ADGRE2: variants seen among roughly 807,000 people sequenced by gnomAD.
ADGRE2 encodes the protein adhesion G protein-coupled receptor E2.
ADGRE2 carries 83 observed loss-of-function variants against 100.8 expected under a neutral mutation model. That is an observed-to-expected ratio of 0.82 (90% CI 0.69 to 0.99). The LOEUF is 0.99. ADGRE2 is among the 50% of genes least tolerant of loss of function. The pLI is 0.00. For missense variants in ADGRE2, 814 were observed against 1,035.7 expected (o/e 0.79, Z 2.94); for synonymous variants, 355 against 413.0 (o/e 0.86, Z 1.70).
chr19:14,751,574 C>T lies in ADGRE2; in HGVS notation c.1886G>A (p.Arg629Gln), dbSNP rs111634121. The change falls in exon 16 of 21, where the codon CGG (arginine) becomes CAG (glutamine). Residue 629 changes from arginine to glutamine, a missense_variant. Arg to Gln is a conservative substitution (Grantham distance 43). Around this residue, in one of 5 missense-constraint regions of ADGRE2, gnomAD observed 569 missense variants for 692.7 expected, o/e 0.82. Transcript: ENST00000315576. The part of the protein sequence containing the change: ...LEALYLFLTA[R>Q]NLTVVNYSSI... ...TGAGTAGTTGACCACCGTCAGGTTC[C>T]GTGCAGTGAGGAAGAGGTACAGGGC... 2,123 of 1,613,950 alleles carry T rather than the reference C, an allele frequency of 1.3e-3. 26 individuals are homozygous for T. The African/African-American group carries it at 0.024, about 19-fold the overall frequency.
At chr19:14,732,273 C>T (rs1258079733), downstream of ADGRE2, 1 of 151,324 alleles carries the variant, frequency 6.6e-6, no homozygotes, top group Non-Finnish European at 1.5e-5. Flanking sequence ...CCTGCTTGAG[C>T]ATTTTTTAGG....
At chr19:14,746,861 C>T (rs117913748) in intron 17 of ADGRE2, 35 bp downstream of exon 17, 28 of 1,589,426 alleles carry the variant, frequency 1.8e-5, no homozygotes, top group African/African-American at 5.4e-5. Context: ...TGACCCTCAG[C>T]GGGGCAGCGA....
chr19:14,744,110 G>C (rs1388741064), intron 18 of ADGRE2, among the ~76,000 whole-genome samples: 3 of 151,700 alleles, frequency 2.0e-5, no homozygotes, highest in Non-Finnish European at 4.4e-5. Context: ...GGTGTGGTCG[G>C]GGGGGCGCCT....
intron 2 of ADGRE2, 144 bp from the exon 3 acceptor site, chr19:14,774,450 A>G: frequency 6.9e-7 from 1 of 1,449,026 alleles, no homozygotes; most frequent in Non-Finnish European, 9.4e-7. Flanking sequence ...AGCAGATGTC[A>G]CGTCCCACTC....
At chr19:14,764,126 A>G (rs1379773828) in intron 11 of ADGRE2, among the ~76,000 whole-genome samples, 2 of 151,756 alleles carry the variant, frequency 1.3e-5, no homozygotes, top group East Asian at 1.9e-4. Flanking sequence ...ACAGTGATGC[A>G]ATCATAGTTC....
chr19:14,751,835 C>A (rs2043295368), intron 15 of ADGRE2, among the ~76,000 whole-genome samples, 164 bp from the exon 16 acceptor site: 1 of 150,568 alleles, frequency 6.6e-6, no homozygotes, highest in African/African-American at 2.4e-5. Context: ...GTGGTGTTCT[C>A]TTCTAATATT....
chr19:14,745,876 C>T (rs924201117), intron 18 of ADGRE2, among the ~76,000 whole-genome samples: 4 of 152,182 alleles, frequency 2.6e-5, no homozygotes, highest in Non-Finnish European at 5.9e-5. Flanking sequence ...GCTTATTTCA[C>T]TTAAGAGAGT....
downstream of ADGRE2, among the ~76,000 whole-genome samples, chr19:14,729,293 C>T (rs1411320401): frequency 1.3e-5 from 2 of 152,116 alleles, no homozygotes; most frequent in Non-Finnish European, 2.9e-5. Context: ...GACTGTTGAG[C>T]AGCATCCCTG....
intron 16 of ADGRE2, among the ~76,000 whole-genome samples, chr19:14,749,729 G>A (rs867390849): frequency 0.12 from 10,223 of 82,944 alleles, 1,373 homozygotes; most frequent in African/African-American, 0.24. Context: ...GCTATGTTAT[G>A]TAATTATTCA....
intron 12 of ADGRE2, 115 bp downstream of exon 12, chr19:14,756,123 C>A: frequency 1.1e-6 from 1 of 876,338 alleles, no homozygotes; most frequent in Non-Finnish European, 1.9e-6. Context: ...TCTTACAGCC[C>A]CACTCCAAAC....
intron 2 of ADGRE2, among the ~76,000 whole-genome samples, chr19:14,775,892 C>T (rs1458981073): frequency 6.7e-6 from 1 of 149,708 alleles, no homozygotes; most frequent in Non-Finnish European, 1.5e-5. Flanking sequence ...GGCGCTGGAT[C>T]CCCCAGGCTC....
chr19:14,760,323 T>C (rs2043672074), intron 11 of ADGRE2, among the ~76,000 whole-genome samples: 1 of 152,142 alleles, frequency 6.6e-6, no homozygotes, highest in African/African-American at 2.4e-5. Flanking sequence ...CCCATAAATA[T>C]GTAAGATTTA....
At chr19:14,744,180 GT>G (rs1331332446) in intron 18 of ADGRE2, among the ~76,000 whole-genome samples, 2 of 151,852 alleles carry the variant, frequency 1.3e-5, no homozygotes, top group East Asian at 3.9e-4. Context: ...GGAGGCGGAG[GT>G]TGCAGTGAGT....
intron 10 of ADGRE2, 142 bp from the exon 11 acceptor site, chr19:14,764,752 C>A: frequency 1.2e-6 from 1 of 834,200 alleles, no homozygotes; most frequent in Non-Finnish European, 1.8e-6. Context: ...GGCGCGGTGG[C>A]TCACGCCTCT....
chr19:14,755,569 C>A lies in ADGRE2; in HGVS notation c.1416+85G>T, dbSNP rs575720920. 7 of 1,226,434 alleles carry A rather than the reference C, an allele frequency of 5.7e-6. No homozygotes were observed. The East Asian group carries it at 1.4e-4, about 24-fold the overall frequency. The allele number at this position is 1,226,434 out of a possible 1,614,324, so 76.0% of individuals were successfully genotyped here. On this transcript the variant is annotated intron_variant, in intron 13 of 20. Transcript: ENST00000315576. ...GAGATAATGTACCCATAACAGAGAC[C>A]CCTGAGCCCCAGGGCTGAGCTGAGC...
chr19:14,727,515 C>T (rs2042641563), downstream of ADGRE2, among the ~76,000 whole-genome samples: 1 of 152,122 alleles, frequency 6.6e-6, no homozygotes, highest in Non-Finnish European at 1.5e-5. Flanking sequence ...CTCTTTTAAA[C>T]AACCTGATCT....
rs778247082 is a variant in ADGRE2 at position 14,755,663 on chromosome 19, G to A, written c.1407C>T (p.Phe469=). Residue 469 remains phenylalanine, a synonymous_variant, in exon 13 of 21, where the codon TTC becomes TTT. Coordinates refer to ENST00000315576, the MANE Select transcript of ADGRE2 (RefSeq NM_013447.4). ...CTCCACCAGCACTCACACGGTGGGA[G>A]AAGGTGAAGGTAACTGGGGAGCTGA... ...QNLSSPVTFT[F]SHRSVIPRQK... is the part of the protein sequence containing the mutation. The A allele has an allele frequency of 8.1e-6, 13 of 1,613,980 alleles. No homozygotes were observed. The highest frequency in any genetic ancestry group is 1.1e-5 in the South Asian group (1 of 91,084).
intron 20 of ADGRE2, among the ~76,000 whole-genome samples, 162 bp from the exon 21 acceptor site, chr19:14,736,406 C>T (rs1262265584): frequency 2.6e-5 from 4 of 152,016 alleles, no homozygotes; most frequent in African/African-American, 4.8e-5. Flanking sequence ...GGATTAGAGG[C>T]ATGTGCCACC....
chr19:14,743,681 A>T lies in ADGRE2; in HGVS notation c.2287T>A (p.Phe763Ile). 6.2e-7 allele frequency: 1 copy of T among 1,614,186 alleles called. No individual in the cohort carries two copies. Among genetic ancestry groups the T allele is most frequent in the Non-Finnish European group, 8.5e-7 (1 of 1,180,018 alleles). Residue 763 changes from phenylalanine to isoleucine, a missense_variant, in exon 19 of 21, where the codon TTC becomes ATC. Physicochemically the swap from Phe to Ile is conservative, Grantham distance 21. Around this residue, in one of 5 missense-constraint regions of ADGRE2, gnomAD observed 569 missense variants for 692.7 expected, o/e 0.82. Transcript: ENST00000315576. ...CCCTGCAGGCTGTTGATGATGGTGA[A>T]GAGGTAGGCCATGACCCGGGCAGCC... is the stretch of plus-strand genomic sequence containing the variant. ...GPAARVMAYL[F>I]TIINSLQGVF...
Sources: allele counts gnomAD v4.1 joint callset (sites outside exome capture counted in the v4.1 genomes callset), GRCh38; gene constraint gnomAD v4.1.1; regional missense constraint gnomAD v4.1.1; transcripts MANE v1.5; gene names NCBI Gene and HGNC (gene_info 2026-07-23, HGNC 2026-07-21).